Variants in LARP4B observed in about 807,000 individuals in gnomAD.
The protein encoded by LARP4B is La ribonucleoprotein 4B, also known as la-related protein 4B.
In LARP4B, 12 loss-of-function variants were observed where a neutral mutation model predicts 89.8. That is an observed-to-expected ratio of 0.13 (90% CI 0.09 to 0.22). LARP4B has a LOEUF of 0.22. Among genes scored for constraint, LARP4B ranks in the 10% least tolerant of loss-of-function variants. The pLI, the probability that LARP4B is intolerant of heterozygous loss-of-function variation, is 1.00. For missense variants in LARP4B, 757 were observed against 947.7 expected (o/e 0.80, Z 2.64); for synonymous variants, 367 against 363.3 (o/e 1.01, Z -0.12).
intron 1 of LARP4B, 148 bp from the exon 2 acceptor site, chr10:885,908 T>C (rs1835843318): frequency 2.1e-6 from 1 of 465,646 alleles, no homozygotes; most frequent in Non-Finnish European, 3.8e-6. Context: ...ATGCATACCT[T>C]ACTCACCAAG....
chr10:979,425 A>G, the LARP4B span, among the ~76,000 whole-genome samples: 2 of 152,188 alleles, frequency 1.3e-5, no homozygotes, highest in Non-Finnish European at 2.9e-5. Context: ...CAGCAGAATT[A>G]TAAGGAGGAG....
intron 3 of LARP4B, among the ~76,000 whole-genome samples, chr10:867,873 A>C (rs905404740): frequency 4.0e-5 from 6 of 150,944 alleles, no homozygotes; most frequent in Admixed American, 1.3e-4. Context: ...AAAAAAAAAA[A>C]AAAAAAAAAA....
the LARP4B span, among the ~76,000 whole-genome samples, chr10:939,283 A>G: frequency 6.6e-6 from 1 of 152,234 alleles, no homozygotes; most frequent in Non-Finnish European, 1.5e-5. Flanking sequence ...AGGAGGGAGC[A>G]GCCAGGGATG....
At chr10:888,791 T>C (rs1399066248) in intron 1 of LARP4B, among the ~76,000 whole-genome samples, 4 of 152,190 alleles carry the variant, frequency 2.6e-5, no homozygotes, top group South Asian at 4.1e-4. Context: ...AAGTGAAAAC[T>C]GTAAGAATAT....
chr10:963,852 C>A, the LARP4B span, among the ~76,000 whole-genome samples: 3 of 152,170 alleles, frequency 2.0e-5, no homozygotes, highest in African/African-American at 7.2e-5. Flanking sequence ...TTAAGCCCTT[C>A]GTGAGGGTGG....
intron 2 of LARP4B, among the ~76,000 whole-genome samples, 174 bp from the exon 3 acceptor site, chr10:884,680 T>G (rs1835797112): frequency 6.6e-6 from 1 of 152,172 alleles, no homozygotes; most frequent in Non-Finnish European, 1.5e-5. Flanking sequence ...TTTTAAATTC[T>G]GAATGAACAT....
chr10:842,763 C>A (rs958027506), intron 7 of LARP4B, among the ~76,000 whole-genome samples, 169 bp downstream of exon 7: 5 of 152,088 alleles, frequency 3.3e-5, no homozygotes, highest in Admixed American at 2.6e-4. Context: ...GACTATCAGG[C>A]GCTACTCCAG....
At chr10:831,109 C>G (rs1832882372) in intron 8 of LARP4B, 132 bp from the exon 9 acceptor site, 2 of 468,534 alleles carry the variant, frequency 4.3e-6, no homozygotes, top group South Asian at 2.8e-5. Context: ...CCTAGTAAAT[C>G]TCTCTTCCAA....
chr10:937,274 C>T, the LARP4B span, among the ~76,000 whole-genome samples: 1 of 152,132 alleles, frequency 6.6e-6, no homozygotes, highest in African/African-American at 2.4e-5. Context: ...AACTCCTGGG[C>T]TGAAGCAATC....
chr10:892,664 C>A (rs898945134), intron 1 of LARP4B, among the ~76,000 whole-genome samples: 3 of 151,004 alleles, frequency 2.0e-5, no homozygotes, highest in Admixed American at 1.3e-4. Context: ...CTCAGCCTCC[C>A]GAGTAGCTGG....
At chr10:878,647 G>A (rs1407371601) in intron 3 of LARP4B, among the ~76,000 whole-genome samples, 1 of 152,174 alleles carries the variant, frequency 6.6e-6, no homozygotes, top group African/African-American at 2.4e-5. Context: ...TGTATGTGTT[G>A]TATTTCCACA....
In LARP4B at chr10:820,809, C is replaced by A. The variant is rs770956802; in HGVS notation, c.1521G>T (p.Glu507Asp). ...NSFGYRKKRE[E>D]KFTSSQTQSP... ...TGCTTTATGTACTCACTGTAAACTT[C>A]TCCTCCCTTTTCTTCCGGTAGCCAA... The change falls in exon 14 of 18, where the codon GAG becomes GAT. Residue 507 changes from glutamate (E) to aspartate (D), a missense_variant. By Grantham distance (45) the Glu-to-Asp change is conservative. This residue lies in a region of LARP4B where 387 missense variants were observed against 423.6 expected (regional missense o/e 0.91). Coordinates refer to ENST00000316157, the MANE Select transcript of LARP4B (RefSeq NM_015155.3). 1 of 1,613,486 alleles carries A rather than the reference C, an allele frequency of 6.2e-7. No homozygotes were observed.
intron 7 of LARP4B, among the ~76,000 whole-genome samples, chr10:837,586 G>A (rs1299060445): frequency 6.6e-6 from 1 of 152,222 alleles, no homozygotes; most frequent in East Asian, 1.9e-4. Context: ...ACACTGTAGT[G>A]TTAGCATCCA....
chr10:964,855 CAG>C, the LARP4B span, among the ~76,000 whole-genome samples: 1 of 152,180 alleles, frequency 6.6e-6, no homozygotes, highest in East Asian at 1.9e-4. Context: ...CAGGACAGCA[CAG>C]AACAGCACAG....
At chr10:970,824 A>G in the LARP4B span, among the ~76,000 whole-genome samples, 1 of 152,106 alleles carries the variant, frequency 6.6e-6, no homozygotes, top group Non-Finnish European at 1.5e-5. Context: ...ATTAGGGGCA[A>G]AGGAAATGGA....
chr10:874,677 G>GA (rs1835388380), intron 3 of LARP4B, among the ~76,000 whole-genome samples: 1 of 152,188 alleles, frequency 6.6e-6, no homozygotes, highest in South Asian at 2.1e-4. Context: ...CTGCAAGAGA[G>GA]ATTTTGTTGT....
chr10:970,836 G>A, the LARP4B span, among the ~76,000 whole-genome samples: 4 of 152,174 alleles, frequency 2.6e-5, no homozygotes, highest in Admixed American at 6.5e-5. Context: ...GGAAATGGAA[G>A]GCAGAGACTG....
At chr10:844,111 A>G (rs1260748511) in intron 6 of LARP4B, among the ~76,000 whole-genome samples, 1 of 152,244 alleles carries the variant, frequency 6.6e-6, no homozygotes, top group African/African-American at 2.4e-5. Flanking sequence ...ACTGCCGATC[A>G]AACGGAGGCC....
At chr10:833,982 A>G (rs1320468109) in intron 8 of LARP4B, among the ~76,000 whole-genome samples, 5 of 152,218 alleles carry the variant, frequency 3.3e-5, no homozygotes, top group Admixed American at 3.3e-4. Context: ...TTTAAATATG[A>G]AAACACAAAT....
Sources: gnomAD v4.1 joint callset for allele counts (sites outside exome capture counted in the v4.1 genomes callset) on GRCh38, gnomAD v4.1.1 for gene constraint, gnomAD v4.1.1 regional missense constraint, MANE v1.5 for transcripts, NCBI Gene and HGNC (gene_info 2026-07-23, HGNC 2026-07-21) for gene names.